The following DOLK variants were observed in gnomAD, a reference collection of about 807,000 sequenced individuals.
DOLK encodes dolichol kinase, also known as SEC59 homolog.
In DOLK, 20 loss-of-function variants were observed where a neutral mutation model predicts 31.7. The ratio of observed to expected loss-of-function variants is 0.63; its 90% CI spans 0.44 to 0.92. The LOEUF (loss-of-function observed/expected upper bound fraction) is 0.92, where lower values mean the gene tolerates loss of function less well. Among genes scored for constraint, DOLK ranks in the 40% least tolerant of loss-of-function variants. The pLI, the probability that DOLK is intolerant of heterozygous loss-of-function variation, is 0.00. For synonymous variants in DOLK, 309 were observed against 287.0 expected (o/e 1.08, Z -0.77); for missense variants, 594 against 680.7 (o/e 0.87, Z 1.42).
chr9:128,947,255 T>C lies in DOLK; in HGVS notation c.49A>G (p.Ser17Gly), dbSNP rs751568856. 1 of 1,613,326 alleles carries C rather than the reference T, an allele frequency of 6.2e-7. No homozygotes were observed. The highest frequency in any genetic ancestry group is 1.1e-5 in the South Asian group (1 of 91,054). Residue 17 changes from serine (S) to glycine (G), a missense_variant, in exon 1 of 1, where the codon AGT (serine) becomes GGT (glycine). Transcript: ENST00000372586. ...SPAPGPGAPLSGSVLAEAAVV... is the reference protein window; with the variant it reads ...SPAPGPGAPLGGSVLAEAAVV... ...GCCGCCTCTGCCAGCACCGATCCAC[T>C]CAGCGGAGCCCCAGGCCCCGGGGCC...
chr9:128,947,246 C>G lies in DOLK; in HGVS notation c.58G>C (p.Val20Leu). 1 of 1,613,602 alleles carries G rather than the reference C, an allele frequency of 6.2e-7. No individual in the cohort carries two copies. The highest frequency in any genetic ancestry group is 8.5e-7 in the Non-Finnish European group (1 of 1,180,012). ...PGPGAPLSGSVLAEAAVVFAV... is the reference protein window; with the variant it reads ...PGPGAPLSGSLLAEAAVVFAV... ...AACACTACTGCCGCCTCTGCCAGCA[C>G]CGATCCACTCAGCGGAGCCCCAGGC... The change falls in exon 1 of 1, where the codon GTG becomes CTG. Residue 20 changes from valine to leucine, a missense_variant. Transcript: ENST00000372586.
chr9:128,947,509 C>T lies in DOLK; in HGVS notation c.-206G>A. ...CCCGGCCACCCCCCACAGCCTCCAA[C>T]CTACGGCGTAGACGTCGCCACTCTG... On this transcript the variant is annotated 5_prime_UTR_variant, in exon 1 of 1. Transcript: ENST00000372586. The T allele has an allele frequency of 1.1e-6, 1 of 905,666 alleles. No homozygotes were observed. Among genetic ancestry groups the T allele is most frequent in the Admixed American group, 2.7e-5 (1 of 37,300 alleles). 56.1% of individuals were successfully genotyped at this position (905,666 alleles called of 1,614,324 possible).
In DOLK at chr9:128,945,711, G is replaced by T; in HGVS notation, c.1593C>A (p.Tyr531Ter). ...TQIDNLLLPL[Y>*]LLILLMA ...GCTAGGCCATCAGCAATATCAGGAG[G>T]TAGAGAGGCAGAAGGAGATTGTCTA... Residue 531 changes from tyrosine (Y) to a stop codon, truncating the protein, a stop_gained, in exon 1 of 1, where the codon TAC becomes TAA. Transcript: ENST00000372586. LOFTEE classifies it high-confidence loss of function. 1 of 1,614,162 alleles carries T rather than the reference G, an allele frequency of 6.2e-7. No homozygotes were observed. The highest frequency in any genetic ancestry group is 8.5e-7 in the Non-Finnish European group (1 of 1,180,046).
chr9:128,945,575 T>A lies in DOLK; in HGVS notation c.*112A>T. 1.5e-6 allele frequency: 2 copies of A among 1,314,526 alleles called. No individual in the cohort carries two copies. The highest frequency in any genetic ancestry group is 2.2e-6 in the Non-Finnish European group (2 of 913,826). 81.4% of individuals were successfully genotyped at this position (1,314,526 alleles called of 1,614,324 possible). A position where few individuals can be genotyped will look rare whatever the true frequency, so the allele number is the denominator to read the frequency against. ...TTTTAAATCTGAATCAACTGAAAAA[T>A]CAAATCTGCTTTTCACACCTTGGCT... On this transcript the variant is annotated 3_prime_UTR_variant, in exon 1 of 1. Coordinates refer to ENST00000372586, the MANE Select transcript of DOLK (RefSeq NM_014908.4).
In DOLK at chr9:128,946,497, A is replaced by G. The variant is rs769294980; in HGVS notation, c.807T>C (p.Gly269=). Residue 269 remains glycine, a synonymous_variant, in exon 1 of 1, where the codon GGT becomes GGC. Coordinates refer to ENST00000372586, the MANE Select transcript of DOLK (RefSeq NM_014908.4). ...FHLMTCVLSL[G]VVLPWLHRLI... is the part of the protein sequence containing the mutation. Reference sequence around the variant, plus strand: ...GCCGGTGCAGCCAGGGTAGGACCACACCAAGGCTCAGCACACAGGTCATGA... The same window carrying G: ...GCCGGTGCAGCCAGGGTAGGACCACGCCAAGGCTCAGCACACAGGTCATGA... The G allele has an allele frequency of 5.6e-6, 9 of 1,614,020 alleles. No homozygotes were observed. The African/African-American group carries it at 1.1e-4, about 19-fold the overall frequency.
Position 128,947,108 on chromosome 9 carries a change from G to T in DOLK, c.196C>A (p.Gln66Lys). The change falls in exon 1 of 1, where the codon CAG becomes AAG. Residue 66 changes from glutamine (Q) to lysine (K), a missense_variant. Physicochemically the swap from Gln to Lys is moderately conservative, Grantham distance 53 (BLOSUM62 1). Transcript: ENST00000372586. Reference sequence around the variant, plus strand: ...CGGAACTGGAAGACGGCGCTTCCCTGCTGTAGCAGCCGGTCCCACTTGTAT... The same window carrying T: ...CGGAACTGGAAGACGGCGCTTCCCTTCTGTAGCAGCCGGTCCCACTTGTAT... The part of the protein sequence containing the change: ...VQYKWDRLLQ[Q>K]GSAVFQFRMS... The T allele has an allele frequency of 6.2e-7, 1 of 1,613,970 alleles. No homozygotes were observed.
At position 128,945,761 on chromosome 9, in the gene DOLK, G is replaced by C; in HGVS notation, c.1543C>G (p.Leu515Val). The C allele has an allele frequency of 6.2e-7, 1 of 1,614,182 alleles. No individual in the cohort carries two copies. Among genetic ancestry groups the C allele is most frequent in the South Asian group, 1.1e-5 (1 of 91,090 alleles). ...ATCTGTGTAGTGTATGCTTCCAGGAGGGACACAGTGCTGATGGACCCCAAA... is the reference window on the plus strand; with the variant it reads ...ATCTGTGTAGTGTATGCTTCCAGGACGGACACAGTGCTGATGGACCCCAAA... ...WILGSISTVSLLEAYTTQIDN... is the reference protein window; with the variant it reads ...WILGSISTVSVLEAYTTQIDN... The change falls in exon 1 of 1, where the codon CTC (leucine) becomes GTC (valine). Residue 515 changes from leucine (L) to valine (V), a missense_variant. Leu to Val is a conservative substitution (Grantham distance 32). Transcript: ENST00000372586.
rs759019995 is a variant in DOLK at position 128,946,601 on chromosome 9, C to T, written c.703G>A (p.Val235Ile). The T allele has an allele frequency of 1.2e-5, 20 of 1,614,102 alleles. No individual in the cohort carries two copies. In the East Asian group the frequency reaches 1.3e-4, roughly 11 times the overall value. ...FFLLVVVVGMVLMGIFFSTLF... is the reference protein window; with the variant it reads ...FFLLVVVVGMILMGIFFSTLF... ...GTGCTGAAGAAAATGCCCATGAGTACCATCCCTACTACCACCACCAGCAGG... is the reference window on the plus strand; with the variant it reads ...GTGCTGAAGAAAATGCCCATGAGTATCATCCCTACTACCACCACCAGCAGG... Residue 235 changes from valine (V) to isoleucine (I), a missense_variant, in exon 1 of 1, where the codon GTA (valine) becomes ATA (isoleucine). Coordinates refer to ENST00000372586, the MANE Select transcript of DOLK (RefSeq NM_014908.4).
At position 128,947,491 on chromosome 9, in the gene DOLK, A is replaced by T; in HGVS notation, c.-188T>A. 1 of 919,688 alleles carries T rather than the reference A, an allele frequency of 1.1e-6. No homozygotes were observed. Among genetic ancestry groups the T allele is most frequent in the South Asian group, 1.7e-5 (1 of 60,168 alleles). The allele number at this position is 919,688 out of a possible 1,614,324, so 57.0% of individuals were successfully genotyped here. The stretch of plus-strand genomic sequence containing the variant: ...GCGGCCTGGGAGCTGGCGCCCGGCC[A>T]CCCCCCACAGCCTCCAACCTACGGC... On this transcript the variant is annotated 5_prime_UTR_variant, in exon 1 of 1. Transcript: ENST00000372586.
In DOLK at chr9:128,945,621, C is replaced by T. The variant is rs1841646305; in HGVS notation, c.*66G>A. The T allele has an allele frequency of 2.5e-6, 4 of 1,593,734 alleles. No individual in the cohort carries two copies. The highest frequency in any genetic ancestry group is 3.4e-6 in the Non-Finnish European group (4 of 1,162,772). The stretch of plus-strand genomic sequence containing the variant: ...TGGCTCTTCATGCCCAAGTAGCTGT[C>T]TGCTGTGGGGACTGTTCACCCTCCC... On this transcript the variant is annotated 3_prime_UTR_variant, in exon 1 of 1. Transcript: ENST00000372586.
chr9:128,947,243 G>T lies in DOLK; in HGVS notation c.61C>A (p.Leu21Met). ...GPGAPLSGSV[L>M]AEAAVVFAVV... ...GCAAACACTACTGCCGCCTCTGCCA[G>T]CACCGATCCACTCAGCGGAGCCCCA... Residue 21 changes from leucine to methionine, a missense_variant, in exon 1 of 1, where the codon CTG becomes ATG. Physicochemically the swap from Leu to Met is conservative, Grantham distance 15 (BLOSUM62 2). Transcript: ENST00000372586. 6.2e-7 allele frequency: 1 copy of T among 1,613,512 alleles called. No individual in the cohort carries two copies. The highest frequency in any genetic ancestry group is 1.3e-5 in the African/African-American group (1 of 75,040).
chr9:128,947,525 C>A lies in DOLK; in HGVS notation c.-222G>T. Reference sequence around the variant, plus strand: ...AGCCTCCAACCTACGGCGTAGACGTCGCCACTCTGCAGCCTTCCTCACAGT... The same window carrying A: ...AGCCTCCAACCTACGGCGTAGACGTAGCCACTCTGCAGCCTTCCTCACAGT... On this transcript the variant is annotated 5_prime_UTR_variant, in exon 1 of 1. Transcript: ENST00000372586. The A allele has an allele frequency of 4.5e-6, 4 of 898,552 alleles. No homozygotes were observed. The highest frequency in any genetic ancestry group is 5.1e-6 in the Non-Finnish European group (3 of 593,856). 55.7% of individuals were successfully genotyped at this position (898,552 alleles called of 1,614,324 possible). A position where few individuals can be genotyped will look rare whatever the true frequency, so the allele number is the denominator to read the frequency against.
In DOLK at chr9:128,947,430, A is replaced by G. The variant is rs1841695242; in HGVS notation, c.-127T>C. 3.7e-5 allele frequency: 47 copies of G among 1,261,698 alleles called. 1 individual carries two copies. The South Asian group carries it at 5.2e-4, about 14-fold the overall frequency. The allele number at this position is 1,261,698 out of a possible 1,614,324, so 78.2% of individuals were successfully genotyped here. ...CAGCAACCTTCTCCCTCCGTTCTCC[A>G]GCAGCGAGGAGGGAACTCCACCGCA... is the stretch of plus-strand genomic sequence containing the variant. On this transcript the variant is annotated 5_prime_UTR_variant, in exon 1 of 1. Transcript: ENST00000372586.
chr9:128,945,998 T>G lies in DOLK; in HGVS notation c.1306A>C (p.Arg436=). 4 of 1,614,182 alleles carry G rather than the reference T, an allele frequency of 2.5e-6. No individual in the cohort carries two copies. Among genetic ancestry groups the G allele is most frequent in the Non-Finnish European group, 3.4e-6 (4 of 1,180,032 alleles). ...ACACCGGCATAGGGGACGAGGGCCC[T>G]GGCTCCTCCCAGGCTACCCTTCTGT... ...CTQKGSLGGA[R]ALVPYAGVLA... Residue 436 remains arginine, a synonymous_variant, in exon 1 of 1, where the codon AGG becomes CGG. Coordinates refer to ENST00000372586, the MANE Select transcript of DOLK (RefSeq NM_014908.4).
chr9:128,947,482 C>T lies in DOLK; in HGVS notation c.-179G>A. On this transcript the variant is annotated 5_prime_UTR_variant, in exon 1 of 1. Transcript: ENST00000372586. ...GTCACTTCTGCGGCCTGGGAGCTGGCGCCCGGCCACCCCCCACAGCCTCCA... is the reference window on the plus strand; with the variant it reads ...GTCACTTCTGCGGCCTGGGAGCTGGTGCCCGGCCACCCCCCACAGCCTCCA... 4 of 943,886 alleles carry T rather than the reference C, an allele frequency of 4.2e-6. No individual in the cohort carries two copies. The East Asian group carries it at 1.1e-4, about 25-fold the overall frequency. 58.5% of individuals were successfully genotyped at this position (943,886 alleles called of 1,614,324 possible).
rs876657785 is a variant in DOLK at position 128,947,108 on chromosome 9, G to A, written c.196C>T (p.Gln66Ter). Reference sequence around the variant, plus strand: ...CGGAACTGGAAGACGGCGCTTCCCTGCTGTAGCAGCCGGTCCCACTTGTAT... The same window carrying A: ...CGGAACTGGAAGACGGCGCTTCCCTACTGTAGCAGCCGGTCCCACTTGTAT... Reference protein sequence around the residue: ...VQYKWDRLLQQGSAVFQFRMS... With the variant: ...VQYKWDRLLQ Residue 66 changes from glutamine to a stop codon, truncating the protein, a stop_gained, in exon 1 of 1, where the codon CAG becomes TAG. Coordinates refer to ENST00000372586, the MANE Select transcript of DOLK (RefSeq NM_014908.4). LOFTEE classifies it high-confidence loss of function. The A allele has an allele frequency of 4.3e-6, 7 of 1,613,970 alleles. No homozygotes were observed. Among genetic ancestry groups the A allele is most frequent in the Non-Finnish European group, 4.2e-6 (5 of 1,180,026 alleles).
chr9:128,946,604 TC>T lies in DOLK; in HGVS notation c.699del (p.Met234TrpfsTer29). The T allele has an allele frequency of 6.2e-7, 1 of 1,613,890 alleles. No individual in the cohort carries two copies. The highest frequency in any genetic ancestry group is 8.5e-7 in the Non-Finnish European group (1 of 1,179,958). Reference sequence around the variant, plus strand: ...CTGAAGAAAATGCCCATGAGTACCATCCCTACTACCACCACCAGCAGGAAGA... The same window carrying T: ...CTGAAGAAAATGCCCATGAGTACCATCCTACTACCACCACCAGCAGGAAGA... Reference protein sequence around the residue: ...VDFFLLVVVVGMVLMGIFFST... With the variant: ...VDFFLLVVVVXMVLMGIFFST... On this transcript the variant is annotated frameshift_variant, in exon 1 of 1. Transcript: ENST00000372586. LOFTEE classifies it high-confidence loss of function.
rs774027556 is a variant in DOLK at position 128,947,166 on chromosome 9, G to A, written c.138C>T (p.Ala46=). 8 of 1,613,346 alleles carry A rather than the reference G, an allele frequency of 5.0e-6. No individual in the cohort carries two copies. Among genetic ancestry groups the A allele is most frequent in the South Asian group, 1.1e-5 (1 of 91,086 alleles). Residue 46 remains alanine, a synonymous_variant, in exon 1 of 1, where the codon GCC becomes GCT. Coordinates refer to ENST00000372586, the MANE Select transcript of DOLK (RefSeq NM_014908.4). ...ATVWDRYSWC[A]VALAVQAFYV... Reference sequence around the variant, plus strand: ...AGAAGGCCTGCACTGCGAGGGCCACGGCGCACCACGAGTATCGGTCCCATA... The same window carrying A: ...AGAAGGCCTGCACTGCGAGGGCCACAGCGCACCACGAGTATCGGTCCCATA...
At position 128,946,094 on chromosome 9, in the gene DOLK, G is replaced by C. The variant is rs572213550; in HGVS notation, c.1210C>G (p.Leu404Val). ...LFLDERDSGP[L>V]ILTHIYLLLG... ...AGCAGGTAGATGTGTGTCAGAATGA[G>C]TGGTCCACTGTCTCGTTCATCCAGA... Residue 404 changes from leucine (L) to valine (V), a missense_variant, in exon 1 of 1, where the codon CTC becomes GTC. Leu to Val is a conservative substitution (Grantham distance 32). Transcript: ENST00000372586. The C allele has an allele frequency of 6.2e-7, 1 of 1,614,186 alleles. No homozygotes were observed. The highest frequency in any genetic ancestry group is 1.1e-5 in the South Asian group (1 of 91,092).
Sources: gnomAD v4.1 joint callset for allele counts on GRCh38, gnomAD v4.1.1 for gene constraint, MANE v1.5 for transcripts, NCBI Gene and HGNC (gene_info 2026-07-23, HGNC 2026-07-21) for gene names.